Variants in GRIN2A observed in about 807,000 individuals in gnomAD.
The protein encoded by GRIN2A is glutamate receptor ionotropic, NMDA 2A.
A neutral mutation model predicts 113.4 loss-of-function variants in GRIN2A; 22 were observed. That is an observed-to-expected ratio of 0.19 (90% confidence interval 0.14 to 0.28). The LOEUF is 0.28. Among genes scored for constraint, GRIN2A ranks in the 10% least tolerant of loss-of-function variants. GRIN2A has a pLI of 1.00. For missense variants in GRIN2A, 1,502 were observed against 1,887.0 expected (o/e 0.80, Z 3.78); for synonymous variants, 827 against 738.4 (o/e 1.12, Z -1.94).
At chr16:9,943,765 C>A (rs949534649) in intron 2 of GRIN2A, among the ~76,000 whole-genome samples, 3 of 152,184 alleles carry the variant, frequency 2.0e-5, no homozygotes, top group African/African-American at 7.2e-5. Context: ...ACATCAGTGG[C>A]TCTCATTCCT....
chr16:10,049,318 A>G (rs2047314024), intron 2 of GRIN2A, among the ~76,000 whole-genome samples: 1 of 152,000 alleles, frequency 6.6e-6, no homozygotes, highest in African/African-American at 2.4e-5. Context: ...TTTTAGACTC[A>G]TTATCTCAAA....
At chr16:10,042,401 A>C (rs1438633722) in intron 2 of GRIN2A, among the ~76,000 whole-genome samples, 1 of 152,058 alleles carries the variant, frequency 6.6e-6, no homozygotes, top group African/African-American at 2.4e-5. Flanking sequence ...GAGGTTCTCA[A>C]AATCAATAAA....
chr16:9,799,843 A>G lies in GRIN2A; in HGVS notation c.2169-1379T>C, dbSNP rs113339176. The stretch of plus-strand genomic sequence containing the variant: ...ATGCTTGATGAATTTTTACATATGT[A>G]TATATCCTTGAAATCACCATGCAGT... On this transcript the variant is annotated intron_variant, in intron 10 of 12. Transcript: ENST00000330684. Among the ~76,000 whole-genome samples, 189 of 152,312 alleles carry G rather than the reference A, an allele frequency of 1.2e-3. 1 individual carries two copies. The highest frequency in any genetic ancestry group is 4.3e-3 in the African/African-American group (178 of 41,564).
chr16:9,984,334 C>T (rs1030908932), intron 2 of GRIN2A, among the ~76,000 whole-genome samples: 1 of 151,990 alleles, frequency 6.6e-6, no homozygotes. Flanking sequence ...TCTCTTCACT[C>T]TGATTTTTTC....
chr16:10,118,478 G>A (rs1424237981), intron 2 of GRIN2A, among the ~76,000 whole-genome samples: 5 of 152,048 alleles, frequency 3.3e-5, no homozygotes, highest in Non-Finnish European at 7.4e-5. Flanking sequence ...AATCTTCCTT[G>A]AGTGTATACC....
intron 2 of GRIN2A, among the ~76,000 whole-genome samples, chr16:10,081,050 G>A (rs2047969023): frequency 6.6e-6 from 1 of 152,176 alleles, no homozygotes; most frequent in South Asian, 2.1e-4. Flanking sequence ...TGCCTTTTGT[G>A]TTTGCAGAGT....
intron 2 of GRIN2A, among the ~76,000 whole-genome samples, chr16:9,947,162 C>T (rs1251810394): frequency 6.6e-6 from 1 of 152,152 alleles, no homozygotes; most frequent in Admixed American, 6.5e-5. Context: ...TTTTCTTCAT[C>T]ATTCTTCCCT....
chr16:10,066,709 G>C (rs2047655085), intron 2 of GRIN2A, among the ~76,000 whole-genome samples: 1 of 152,166 alleles, frequency 6.6e-6, no homozygotes, highest in Non-Finnish European at 1.5e-5. Context: ...TCATGGCAGA[G>C]GGTTAACCTC....
rs149284063 is a variant in GRIN2A, at chr16:10,128,993, C to A, written c.414+51005G>T. Among the ~76,000 whole-genome samples the A allele has an allele frequency of 5.3e-5, 8 of 152,298 alleles. No homozygotes were observed. The East Asian group carries it at 1.3e-3, about 26-fold the overall frequency. ...ACCTGAGCACGCTCTTATTTCATCCCCGTAACCAATCTTTATTCATTTAAC... is the reference window on the plus strand; with the variant it reads ...ACCTGAGCACGCTCTTATTTCATCCACGTAACCAATCTTTATTCATTTAAC... On this transcript the variant is annotated intron_variant, in intron 2 of 12. Transcript: ENST00000330684.
At chr16:9,866,009 G>A (rs2043154659) in intron 4 of GRIN2A, among the ~76,000 whole-genome samples, 2 of 152,160 alleles carry the variant, frequency 1.3e-5, no homozygotes, top group Admixed American at 1.3e-4. Context: ...TTGAGTGCTT[G>A]CCATAGAGAG....
chr16:10,083,419 G>C, intron 2 of GRIN2A, among the ~76,000 whole-genome samples: 1 of 152,200 alleles, frequency 6.6e-6, no homozygotes, highest in Non-Finnish European at 1.5e-5. Context: ...TTTGAGTAAA[G>C]CCAGTTTGAT....
chr16:9,876,730 G>A (rs976598233), intron 4 of GRIN2A, among the ~76,000 whole-genome samples: 1 of 152,196 alleles, frequency 6.6e-6, no homozygotes, highest in African/African-American at 2.4e-5. Context: ...GTAAGTGGGT[G>A]GGTTCAAGAG....
intron 2 of GRIN2A, among the ~76,000 whole-genome samples, chr16:10,095,126 G>C (rs1267027109): frequency 6.6e-6 from 1 of 152,034 alleles, no homozygotes; most frequent in African/African-American, 2.4e-5. Context: ...ACTGAGAAAA[G>C]GCCATATGAG....
chr16:10,009,480 A>C (rs574933097), intron 2 of GRIN2A, among the ~76,000 whole-genome samples: 4 of 152,204 alleles, frequency 2.6e-5, no homozygotes, highest in African/African-American at 9.6e-5. Flanking sequence ...TCGAAACCAT[A>C]AGTGCCCTTT....
chr16:9,794,445 A>G (rs1902836611), intron 11 of GRIN2A, among the ~76,000 whole-genome samples: 1 of 152,242 alleles, frequency 6.6e-6, no homozygotes, highest in Non-Finnish European at 1.5e-5. Context: ...ATTTTAGAGC[A>G]TAATTAATCC....
intron 2 of GRIN2A, among the ~76,000 whole-genome samples, chr16:9,953,978 G>A (rs1362229341): frequency 1.3e-5 from 2 of 151,798 alleles, no homozygotes; most frequent in Admixed American, 1.3e-4. Context: ...GTATTTTAGA[G>A]GTATAGAGAA....
At chr16:9,999,326 G>A (rs538175777) in intron 2 of GRIN2A, among the ~76,000 whole-genome samples, 2 of 152,256 alleles carry the variant, frequency 1.3e-5, no homozygotes, top group African/African-American at 4.8e-5. Context: ...TCTCTAAAAT[G>A]AAGGATTGAT....
At chr16:10,026,511 T>A (rs1052644633) in intron 2 of GRIN2A, among the ~76,000 whole-genome samples, 1 of 151,284 alleles carries the variant, frequency 6.6e-6, no homozygotes, top group Non-Finnish European at 1.5e-5. Flanking sequence ...AAAAAGAAAG[T>A]CCTTCCTAAA....
chr16:10,132,340 C>CA (rs71402435), intron 2 of GRIN2A, among the ~76,000 whole-genome samples: 2,694 of 61,550 alleles, frequency 0.044, 172 homozygotes, highest in African/African-American at 0.13. Context: ...GACACCGTCT[C>CA]AAAAAAAAAA....
Sources: gnomAD v4.1 joint callset for allele counts (sites outside exome capture counted in the v4.1 genomes callset) on GRCh38, gnomAD v4.1.1 for gene constraint, MANE v1.5 for transcripts, NCBI Gene and HGNC (gene_info 2026-07-23, HGNC 2026-07-21) for gene names.